Variants in TNIK observed in about 807,000 individuals in gnomAD.
The protein encoded by TNIK is TRAF2 and NCK interacting kinase.
In TNIK, 49 loss-of-function variants were observed where a neutral mutation model predicts 191.3. The ratio of observed to expected loss-of-function variants is 0.26; its 90% CI spans 0.20 to 0.32. The LOEUF (loss-of-function observed/expected upper bound fraction) is 0.32, where lower values mean the gene tolerates loss of function less well. Ranked by LOEUF, TNIK falls within the 10% of genes least tolerant of loss-of-function variation. The pLI is 1.00. For synonymous variants in TNIK, 594 were observed against 600.9 expected (o/e 0.99, Z 0.17); for missense variants, 1,155 against 1,702.3 (o/e 0.68, Z 5.66).
intron 22 of TNIK, among the ~76,000 whole-genome samples, chr3:171,094,844 T>C (rs1378358651): frequency 1.3e-5 from 2 of 152,182 alleles, no homozygotes; most frequent in Non-Finnish European, 2.9e-5. Flanking sequence ...AATTATCTTA[T>C]CTTTTGAATT....
intron 2 of TNIK, among the ~76,000 whole-genome samples, chr3:171,291,340 C>T (rs1203197908): frequency 6.6e-6 from 1 of 152,182 alleles, no homozygotes; most frequent in Admixed American, 6.5e-5. Context: ...TTCTACATTA[C>T]TCCTTGAAAT....
chr3:171,356,180 G>GA (rs1461134922), intron 2 of TNIK, among the ~76,000 whole-genome samples: 1 of 150,410 alleles, frequency 6.6e-6, no homozygotes, highest in African/African-American at 2.5e-5. Context: ...GAGTTTTTCT[G>GA]GGGGGAAAAA....
intron 12 of TNIK, among the ~76,000 whole-genome samples, chr3:171,148,707 T>C (rs1456016838): frequency 6.6e-6 from 1 of 152,228 alleles, no homozygotes; most frequent in Non-Finnish European, 1.5e-5. Context: ...ACTGGTAACA[T>C]TTGTGGGAAA....
At position 171,084,282 on chromosome 3, in the gene TNIK, G is replaced by A. The variant is rs1161716488; in HGVS notation, c.3042C>T (p.Leu1014=). 1.2e-6 allele frequency: 2 copies of A among 1,613,788 alleles called. No individual in the cohort carries two copies. Among genetic ancestry groups the A allele is most frequent in the East Asian group, 2.2e-5 (1 of 44,872 alleles). Reference sequence around the variant, plus strand: ...CCACCGAAATCTTTCTTGCTTCATTGAGTTTGGCCTGTTCTTGCCTAAGAA... The same window carrying A: ...CCACCGAAATCTTTCTTGCTTCATTAAGTTTGGCCTGTTCTTGCCTAAGAA... ...SELLRQEQAK[L]NEARKISVVN... Residue 1014 remains leucine (L), a synonymous_variant, in exon 26 of 33, where the codon CTC becomes CTT. Transcript: ENST00000436636.
chr3:171,404,106 C>G (rs915424097), intron 1 of TNIK, among the ~76,000 whole-genome samples: 21 of 152,154 alleles, frequency 1.4e-4, no homozygotes, highest in African/African-American at 4.6e-4. Flanking sequence ...TGGCTATGTA[C>G]CTACAGTATA....
intron 2 of TNIK, among the ~76,000 whole-genome samples, chr3:171,335,983 T>C (rs922987899): frequency 6.6e-6 from 1 of 152,174 alleles, no homozygotes; most frequent in Non-Finnish European, 1.5e-5. Context: ...GCGTAGTGTA[T>C]CTCGTTGCAA....
chr3:171,273,610 G>A (rs1749388174), intron 2 of TNIK, among the ~76,000 whole-genome samples: 1 of 152,144 alleles, frequency 6.6e-6, no homozygotes, highest in African/African-American at 2.4e-5. Flanking sequence ...GTGGAGAGAT[G>A]ATCACTGGCG....
chr3:171,133,724 AG>A (rs1729616070), intron 15 of TNIK, among the ~76,000 whole-genome samples: 1 of 152,248 alleles, frequency 6.6e-6, no homozygotes, highest in Non-Finnish European at 1.5e-5. Flanking sequence ...TCTAAATGCT[AG>A]TTTGGGAACT....
At chr3:171,172,668 G>A (rs1280888937) in intron 9 of TNIK, among the ~76,000 whole-genome samples, 1 of 152,150 alleles carries the variant, frequency 6.6e-6, no homozygotes, top group Non-Finnish European at 1.5e-5. Context: ...GTGTGAAATG[G>A]CACATTATCA....
chr3:171,382,347 A>G (rs758098748), intron 1 of TNIK, among the ~76,000 whole-genome samples: 12 of 150,758 alleles, frequency 8.0e-5, no homozygotes, highest in South Asian at 6.3e-4. Context: ...CAGCCTCTGA[A>G]GTAGTTAAGA....
intron 2 of TNIK, among the ~76,000 whole-genome samples, chr3:171,361,781 T>C (rs892957971): frequency 5.9e-5 from 9 of 152,192 alleles, no homozygotes; most frequent in Non-Finnish European, 1.3e-4. Flanking sequence ...AAACCTTACA[T>C]GTACATAGGA....
At chr3:171,257,575 T>C (rs1018960052) in intron 2 of TNIK, among the ~76,000 whole-genome samples, 3 of 152,202 alleles carry the variant, frequency 2.0e-5, no homozygotes, top group Non-Finnish European at 4.4e-5. Flanking sequence ...CTTCTCAGAA[T>C]GGAAAACAAC....
At chr3:171,316,995 T>C (rs1754701999) in intron 2 of TNIK, among the ~76,000 whole-genome samples, 1 of 142,542 alleles carries the variant, frequency 7.0e-6, no homozygotes, top group Non-Finnish European at 1.5e-5. Context: ...ATAAAATATA[T>C]AATTATATGA....
intron 8 of TNIK, 91 bp downstream of exon 8, chr3:171,177,234 TG>T: frequency 7.3e-7 from 1 of 1,364,548 alleles, no homozygotes; most frequent in Admixed American, 2.2e-5. Flanking sequence ...CTCGGTGTAG[TG>T]GAAGTAAAGC....
chr3:171,133,983 A>G (rs1044696560), intron 15 of TNIK, among the ~76,000 whole-genome samples: 2 of 152,200 alleles, frequency 1.3e-5, no homozygotes, highest in Non-Finnish European at 2.9e-5. Context: ...TGCAATACTC[A>G]TGTAAACAAA....
intron 2 of TNIK, among the ~76,000 whole-genome samples, chr3:171,339,975 T>C (rs751740193): frequency 6.6e-6 from 1 of 152,128 alleles, no homozygotes; most frequent in African/African-American, 2.4e-5. Context: ...ACACAAATTA[T>C]GAAAAATTCA....
chr3:171,120,649 A>G (rs2108549004), intron 18 of TNIK, among the ~76,000 whole-genome samples: 1 of 152,144 alleles, frequency 6.6e-6, no homozygotes, highest in South Asian at 2.1e-4. Context: ...TTAGCACAAC[A>G]GTGGTTTATT....
chr3:171,397,824 C>T, intron 1 of TNIK, among the ~76,000 whole-genome samples: 1 of 152,098 alleles, frequency 6.6e-6, no homozygotes, highest in East Asian at 1.9e-4. Flanking sequence ...TTCTATAATA[C>T]AACATACACG....
intron 1 of TNIK, among the ~76,000 whole-genome samples, chr3:171,431,317 A>G (rs1577913828): frequency 6.6e-6 from 1 of 152,100 alleles, no homozygotes. Context: ...ATAGATCTTG[A>G]CGTATTTTTA....
Sources: allele counts gnomAD v4.1 joint callset (sites outside exome capture counted in the v4.1 genomes callset), GRCh38; gene constraint gnomAD v4.1.1; transcripts MANE v1.5; gene names NCBI Gene and HGNC (gene_info 2026-07-23, HGNC 2026-07-21).